IAH1: variants seen among roughly 807,000 people sequenced by gnomAD.
IAH1 encodes isoamyl acetate-hydrolyzing esterase 1 homolog.
In IAH1, 24 loss-of-function variants were observed where a neutral mutation model predicts 26.7. That is an observed-to-expected ratio of 0.90 (90% confidence interval 0.65 to 1.26). The LOEUF is 1.26. Ranked by LOEUF, IAH1 falls within the 50% of genes most tolerant of loss-of-function variation. The pLI, the probability that IAH1 is intolerant of heterozygous loss-of-function variation, is 0.00. For synonymous variants in IAH1, 140 were observed against 118.5 expected (o/e 1.18, Z -1.18); for missense variants, 300 against 299.9 (o/e 1.00, Z 0.00).
rs766958722 is a variant in IAH1, at chr2:9,488,512, C to T, written c.*183C>T. 9.9e-5 allele frequency: 48 copies of T among 482,708 alleles called. No homozygotes were observed. The highest frequency in any genetic ancestry group is 1.5e-4 in the Non-Finnish European group (42 of 276,956). 29.9% of individuals were successfully genotyped at this position (482,708 alleles called of 1,614,324 possible). On this transcript the variant is annotated 3_prime_UTR_variant, in exon 6 of 6. Coordinates refer to ENST00000497473, the MANE Select transcript of IAH1 (RefSeq NM_001039613.3). Reference sequence around the variant, plus strand: ...TGTGTTTCGACAGTATTTATTAATGCAGATATCAGTGCTACAGCTATAAAA... The same window carrying T: ...TGTGTTTCGACAGTATTTATTAATGTAGATATCAGTGCTACAGCTATAAAA...
intron 3 of IAH1, among the ~76,000 whole-genome samples, chr2:9,479,140 T>C (rs1304358077): frequency 1.3e-5 from 2 of 152,198 alleles, no homozygotes; most frequent in Non-Finnish European, 2.9e-5. Flanking sequence ...ATGACAGGTA[T>C]CGGTGGAGAC....
intron 4 of IAH1, 69 bp downstream of exon 4, chr2:9,481,516 GTGGTTTCCTGCC>G: frequency 6.7e-7 from 1 of 1,489,714 alleles, no homozygotes; most frequent in South Asian, 1.2e-5. Context: ...TGATAGGACA[GTGGTTTCCTGCC>G]TGGGGCTTCT....
rs201969617 is a variant in IAH1, at chr2:9,482,744, G to A, written c.445+1297G>A. On this transcript the variant is annotated intron_variant, in intron 4 of 5. Transcript: ENST00000497473. ...TCATCCTTAGAGAAGGATCCAATGC[G>A]TTCTCAAGTCACAAACAGCATATGC... is the stretch of plus-strand genomic sequence containing the variant. Among the ~76,000 whole-genome samples the A allele has an allele frequency of 8.5e-5, 13 of 152,198 alleles. No individual in the cohort carries two copies. In the East Asian group the frequency reaches 1.7e-3, roughly 20 times the overall value.
chr2:9,499,186 A>C (rs1441499207), downstream of IAH1, among the ~76,000 whole-genome samples: 1 of 150,708 alleles, frequency 6.6e-6, no homozygotes, highest in Admixed American at 6.6e-5. Flanking sequence ...CTTATCAGGA[A>C]CTTATCCTCT....
downstream of IAH1, among the ~76,000 whole-genome samples, chr2:9,496,895 A>G (rs536086026): frequency 9.8e-5 from 15 of 152,312 alleles, no homozygotes; most frequent in African/African-American, 3.1e-4. Context: ...CTGAAACTGC[A>G]GCAAGAAGAA....
downstream of IAH1, chr2:9,491,044 G>C: frequency 6.6e-7 from 1 of 1,509,568 alleles, no homozygotes; most frequent in Non-Finnish European, 9.1e-7. Context: ...GAAGGTCTTT[G>C]CCTAACAGGG....
chr2:9,499,638 G>A (rs866006721), downstream of IAH1, among the ~76,000 whole-genome samples: 6 of 152,200 alleles, frequency 3.9e-5, no homozygotes, highest in South Asian at 8.3e-4. Flanking sequence ...TCCTGATCTC[G>A]TGATCTGCCC....
At chr2:9,505,283 T>C in the IAH1 span, 1 of 1,614,200 alleles carries the variant, frequency 6.2e-7, no homozygotes, top group South Asian at 1.1e-5. Context: ...CCCACAAACT[T>C]TATTGCTGCG....
rs1441573878 is a variant in IAH1, at chr2:9,488,938, A to G, written c.*609A>G. The stretch of plus-strand genomic sequence containing the variant: ...AAAAGCTTTTAATGGCAATTTATAG[A>G]AATCAGAATCCAGGCTAATGATTTT... On this transcript the variant is annotated 3_prime_UTR_variant, in exon 6 of 6. Transcript: ENST00000497473. 1 of 152,230 alleles carries G rather than the reference A, an allele frequency of 6.6e-6. No individual in the cohort carries two copies. Among genetic ancestry groups the G allele is most frequent in the African/African-American group, 2.4e-5 (1 of 41,464 alleles). The allele number at this position is 152,230 out of a possible 1,614,324, so 9.4% of individuals were successfully genotyped here.
At chr2:9,506,523 C>T in the IAH1 span, among the ~76,000 whole-genome samples, 11 of 151,904 alleles carry the variant, frequency 7.2e-5, no homozygotes, top group Non-Finnish European at 1.2e-4. Flanking sequence ...CATGCCACCA[C>T]GCCCAGCTAA....
At chr2:9,475,684 A>G (rs774580015) in intron 1 of IAH1, 4 of 399,462 alleles carry the variant, frequency 1.0e-5, no homozygotes, top group Non-Finnish European at 1.8e-5. Context: ...TAATTTTAGT[A>G]GAGACGGGGT....
chr2:9,503,803 A>T, the IAH1 span, among the ~76,000 whole-genome samples: 2 of 148,450 alleles, frequency 1.3e-5, no homozygotes, highest in Non-Finnish European at 3.0e-5. Flanking sequence ...ACGCCACTGC[A>T]CTCCAGCCTG....
At position 9,494,815 on chromosome 2, in the gene IAH1, C is replaced by T. The variant is rs201949702; in HGVS notation, c.*177C>T. 6.8e-5 allele frequency: 109 copies of T among 1,604,120 alleles called. No individual in the cohort carries two copies. The African/African-American group carries it at 1.2e-3, about 18-fold the overall frequency. ...ACAGCTGGATTGTTCTGAGACCTGC[C>T]TCTCCTCCTGCCTCCTCTTTCCTCC... On this transcript the variant is annotated 3_prime_UTR_variant, in exon 6 of 7. Transcript: ENST00000481367.
At chr2:9,479,873 G>A (rs1200461060) in intron 3 of IAH1, among the ~76,000 whole-genome samples, 1 of 130,406 alleles carries the variant, frequency 7.7e-6, no homozygotes, top group Non-Finnish European at 1.5e-5. Flanking sequence ...AAGTGATACG[G>A]TCTCGGCTCA....
At chr2:9,489,907 T>C (rs1368881157), downstream of IAH1, 2 of 372,982 alleles carry the variant, frequency 5.4e-6, no homozygotes, top group Non-Finnish European at 4.8e-6. Context: ...AATCCAGCTG[T>C]ATTTTCTGCT....
chr2:9,478,858 G>A (rs1040008142), intron 3 of IAH1, among the ~76,000 whole-genome samples: 1 of 152,200 alleles, frequency 6.6e-6, no homozygotes, highest in Admixed American at 6.5e-5. Context: ...GCTGTGACTA[G>A]AGGAAAGCTA....
chr2:9,493,868 A>G, downstream of IAH1: 1 of 1,504,038 alleles, frequency 6.6e-7, no homozygotes, highest in South Asian at 1.1e-5. Context: ...CCCAAACACA[A>G]TGTATTCAGA....
Position 9,475,981 on chromosome 2 carries a change from C to CT in IAH1, c.82-5dup, listed in dbSNP as rs763681963. 1 of 1,613,362 alleles carries CT rather than the reference C, an allele frequency of 6.2e-7. No individual in the cohort carries two copies. Among genetic ancestry groups the CT allele is most frequent in the Non-Finnish European group, 8.5e-7 (1 of 1,179,656 alleles). ...TAGTAGTAATAATGGGCTTTTCTTC[C>CT]TCCAGTTTTCCTTCCAGCAGGGTGG... On this transcript the variant is annotated splice_region_variant and splice_polypyrimidine_tract_variant and intron_variant, in intron 1 of 5. Transcript: ENST00000497473.
intron 1 of IAH1, chr2:9,475,586 C>T (rs1258748275): frequency 3.4e-5 from 8 of 238,518 alleles, no homozygotes; most frequent in Admixed American, 5.1e-5. Context: ...CTGCAAGCTC[C>T]GCCTCCCGGA....
Sources: allele counts gnomAD v4.1 joint callset (sites outside exome capture counted in the v4.1 genomes callset), GRCh38; gene constraint gnomAD v4.1.1; transcripts MANE v1.5; gene names NCBI Gene and HGNC (gene_info 2026-07-23, HGNC 2026-07-21).